The following ASIP variants were observed in gnomAD, a reference collection of about 807,000 sequenced individuals.
ASIP encodes agouti-signaling protein.
A neutral mutation model predicts 10.3 loss-of-function variants in ASIP; 11 were observed. That is an observed-to-expected ratio of 1.07 (90% CI 0.68 to 1.78). The LOEUF (loss-of-function observed/expected upper bound fraction) is 1.78, where lower values mean the gene tolerates loss of function less well. ASIP is among the 40% of genes most tolerant of loss of function. The pLI, the probability that ASIP is intolerant of heterozygous loss-of-function variation, is 0.00. For missense variants in ASIP, 180 were observed against 169.2 expected, an observed-to-expected ratio of 1.06 and a Z score of -0.35; for synonymous variants, 70 against 70.8, an observed-to-expected ratio of 0.99 and a Z score of 0.06.
intron 1 of ASIP, among the ~76,000 whole-genome samples, chr20:34,235,216 C>T (rs2035163910): frequency 6.6e-6 from 1 of 152,116 alleles, no homozygotes; most frequent in African/African-American, 2.4e-5. Flanking sequence ...CCGAGGTGGG[C>T]AGATCATGAA....
upstream of ASIP, among the ~76,000 whole-genome samples, chr20:34,238,446 G>A (rs530923596): frequency 2.6e-5 from 4 of 152,098 alleles, no homozygotes; most frequent in East Asian, 7.7e-4. Context: ...AATCCCTCTA[G>A]TGCATTTTTA....
rs1258087738 is a variant in ASIP, at chr20:34,233,306, C to T, written c.-10-27059C>T. Among the ~76,000 whole-genome samples the T allele has an allele frequency of 7.2e-5, 11 of 152,116 alleles. No individual in the cohort carries two copies. The South Asian group carries it at 2.1e-3, about 29-fold the overall frequency. ...GGGACTACAGGCACCCACCACCATGCCCGGCTAATTTTTTGTATTTTTAGT... is the reference window on the plus strand; with the variant it reads ...GGGACTACAGGCACCCACCACCATGTCCGGCTAATTTTTTGTATTTTTAGT... On this transcript the variant is annotated intron_variant, in intron 1 of 3. Transcript: ENST00000568305.
intron 1 of ASIP, among the ~76,000 whole-genome samples, chr20:34,217,907 G>C (rs1463020896): frequency 6.6e-6 from 1 of 152,162 alleles, no homozygotes; most frequent in Non-Finnish European, 1.5e-5. Context: ...TTTGCTTTTG[G>C]AATCAGCAAT....
chr20:34,217,873 T>C (rs1260319664), intron 1 of ASIP, among the ~76,000 whole-genome samples: 1 of 152,212 alleles, frequency 6.6e-6, no homozygotes, highest in Non-Finnish European at 1.5e-5. Flanking sequence ...CGCTGAAAGC[T>C]CTTTTCAGCC....
chr20:34,213,135 ATTATTGCAAGGGTGGGTTCACCC>A (rs1197334494), intron 1 of ASIP, among the ~76,000 whole-genome samples: 1 of 152,186 alleles, frequency 6.6e-6, no homozygotes, highest in East Asian at 1.9e-4. Flanking sequence ...TGCTGCTATC[ATTATTGCAAGGGTGGGTTCACCC>A]TTCTTGCTCC....
intron 1 of ASIP, among the ~76,000 whole-genome samples, chr20:34,235,836 A>AAGGAAGGAAGGAAGGAAGGAAG (rs1568755894): frequency 1.6e-5 from 1 of 64,140 alleles, no homozygotes; most frequent in African/African-American, 1.6e-4. Context: ...AAAGAAAGAA[A>AAGGAAGGAAGGAAGGAAGGAAG]GAAAGAAGGA....
chr20:34,225,938 G>A (rs2035089950), intron 1 of ASIP, among the ~76,000 whole-genome samples: 1 of 151,618 alleles, frequency 6.6e-6, no homozygotes, highest in East Asian at 1.9e-4. Context: ...GTGTCGCCCA[G>A]GCTGGAGTGT....
intron 1 of ASIP, among the ~76,000 whole-genome samples, chr20:34,255,802 G>A (rs968034335): frequency 6.6e-6 from 1 of 152,210 alleles, no homozygotes; most frequent in Non-Finnish European, 1.5e-5. Context: ...CAGCACCTGG[G>A]AAGGCACCCA....
chr20:34,261,865 C>A (rs1203134264), intron 2 of ASIP, among the ~76,000 whole-genome samples: 2 of 152,078 alleles, frequency 1.3e-5, no homozygotes, highest in African/African-American at 2.4e-5. Flanking sequence ...CTAATCCCAG[C>A]GCTTTGGGAG....
chr20:34,232,909 A>T (rs2035131632), intron 1 of ASIP, among the ~76,000 whole-genome samples: 1 of 152,170 alleles, frequency 6.6e-6, no homozygotes, highest in Admixed American at 6.5e-5. Context: ...ACTATTTGCC[A>T]GGTTGCAGTG....
intron 1 of ASIP, among the ~76,000 whole-genome samples, chr20:34,205,110 C>G (rs2122542473): frequency 6.6e-6 from 1 of 152,304 alleles, no homozygotes; most frequent in Middle Eastern, 3.4e-3. Flanking sequence ...AAGAATGAAG[C>G]CATGGACCCT....
chr20:34,216,535 T>C (rs866424239), intron 1 of ASIP, among the ~76,000 whole-genome samples: 4 of 152,244 alleles, frequency 2.6e-5, no homozygotes, highest in African/African-American at 7.2e-5. Flanking sequence ...CACAAAGATA[T>C]ACTTCTAGAA....
chr20:34,269,056 C>T lies in ASIP; in HGVS notation c.288C>T (p.Thr96=), dbSNP rs770970694. The change falls in exon 4 of 4, where the codon ACC becomes ACT. Residue 96 remains threonine, a synonymous_variant. Coordinates refer to ENST00000374954, the MANE Select transcript of ASIP (RefSeq NM_001672.3). ...RTPLSAPCVA[T]RNSCKPPAPA... ...CCCTATCTGCGCCCTGCGTGGCCAC[C>T]CGCAACAGCTGCAAGCCGCCGGCAC... 14 of 1,600,714 alleles carry T rather than the reference C, an allele frequency of 8.7e-6. No homozygotes were observed. The South Asian group carries it at 1.6e-4, about 18-fold the overall frequency.
chr20:34,212,390 T>C (rs1021439500), intron 1 of ASIP, among the ~76,000 whole-genome samples: 1 of 152,208 alleles, frequency 6.6e-6, no homozygotes, highest in Non-Finnish European at 1.5e-5. Context: ...TTTTTACACA[T>C]AAAATTTGAG....
At chr20:34,211,955 C>T (rs937393466) in intron 1 of ASIP, among the ~76,000 whole-genome samples, 24 of 152,128 alleles carry the variant, frequency 1.6e-4, no homozygotes, top group Admixed American at 1.4e-3. Flanking sequence ...AGCTTTGGTA[C>T]ATTCTCAGTA....
intron 1 of ASIP, among the ~76,000 whole-genome samples, chr20:34,202,801 CTTTTTTT>C (rs34156089): frequency 2.3e-4 from 13 of 57,262 alleles, no homozygotes; most frequent in Admixed American, 5.6e-4. Context: ...CTTGGCTATT[CTTTTTTT>C]TTTTTTTTTT....
chr20:34,251,119 T>C (rs893457719), intron 1 of ASIP, among the ~76,000 whole-genome samples: 16 of 152,180 alleles, frequency 1.1e-4, no homozygotes, highest in African/African-American at 3.9e-4. Flanking sequence ...CTCACTGCTA[T>C]TAATACAATT....
intron 1 of ASIP, among the ~76,000 whole-genome samples, chr20:34,233,021 T>C: frequency 6.6e-6 from 1 of 152,152 alleles, no homozygotes; most frequent in East Asian, 1.9e-4. Context: ...GTTGTTCTCC[T>C]TCCACAGCTA....
At chr20:34,248,603 G>C (rs2035419763) in intron 1 of ASIP, among the ~76,000 whole-genome samples, 2 of 152,100 alleles carry the variant, frequency 1.3e-5, no homozygotes, top group South Asian at 2.1e-4. Context: ...AGGAGTTTGA[G>C]ACCAGCCTGG....
Sources: allele counts gnomAD v4.1 joint callset (sites outside exome capture counted in the v4.1 genomes callset), GRCh38; gene constraint gnomAD v4.1.1; transcripts MANE v1.5; gene names NCBI Gene and HGNC (gene_info 2026-07-23, HGNC 2026-07-21).